Variants in DGKI observed in about 807,000 individuals in gnomAD.
DGKI encodes diacylglycerol kinase iota.
Under a neutral mutation model 147.5 loss-of-function variants are expected in DGKI, and 55 were observed. The ratio of observed to expected loss-of-function variants is 0.37; its 90% CI spans 0.30 to 0.47. The LOEUF is 0.47. DGKI is among the 20% of genes least tolerant of loss of function. The pLI, the probability that DGKI is intolerant of heterozygous loss-of-function variation, is 1.00. For synonymous variants in DGKI, 469 were observed against 477.1 expected (o/e 0.98, Z 0.22); for missense variants, 1,007 against 1,323.8 (o/e 0.76, Z 3.71).
intron 6 of DGKI, among the ~76,000 whole-genome samples, chr7:137,638,567 C>CACATATGTATATATACACATATAT (rs1821469094): frequency 9.1e-5 from 3 of 33,118 alleles, no homozygotes; most frequent in Non-Finnish European, 2.0e-4. Flanking sequence ...TATATATACA[C>CACATATGTATATATACACATATAT]ACATATATGT....
At chr7:137,486,361 A>T (rs1438370400) in intron 22 of DGKI, among the ~76,000 whole-genome samples, 1 of 152,132 alleles carries the variant, frequency 6.6e-6, no homozygotes, top group East Asian at 1.9e-4. Flanking sequence ...ATTTTAAAAA[A>T]AGGTAAAAAG....
At chr7:137,435,860 A>G (rs551084728) in intron 28 of DGKI, among the ~76,000 whole-genome samples, 50 of 152,182 alleles carry the variant, frequency 3.3e-4, no homozygotes, top group Non-Finnish European at 5.9e-4. Context: ...GCTCTCTGCA[A>G]CCTCTGCCTC....
At chr7:137,408,699 TGAGAG>T (rs1275926357) in intron 29 of DGKI, among the ~76,000 whole-genome samples, 2 of 151,922 alleles carry the variant, frequency 1.3e-5, no homozygotes, top group Non-Finnish European at 2.9e-5. Flanking sequence ...AGTTTCTATA[TGAGAG>T]AAGACTGGAA....
At chr7:137,721,013 A>G (rs1794540761) in intron 1 of DGKI, among the ~76,000 whole-genome samples, 1 of 152,198 alleles carries the variant, frequency 6.6e-6, no homozygotes, top group Admixed American at 6.5e-5. Context: ...AAAACAAATC[A>G]TAGGATACCT....
At chr7:137,517,337 A>AGAG (rs1816808673) in intron 21 of DGKI, among the ~76,000 whole-genome samples, 2 of 116,702 alleles carry the variant, frequency 1.7e-5, no homozygotes, top group Admixed American at 9.1e-5. Context: ...GAAAGAAAGA[A>AGAG]AGAGAAAGAA....
At chr7:137,572,158 A>G (rs924710266) in intron 18 of DGKI, among the ~76,000 whole-genome samples, 2 of 152,240 alleles carry the variant, frequency 1.3e-5, no homozygotes, top group African/African-American at 2.4e-5. Context: ...AAATGGTTAT[A>G]GATCCATCCC....
intron 6 of DGKI, among the ~76,000 whole-genome samples, chr7:137,637,286 G>A (rs1821346863): frequency 6.6e-6 from 1 of 152,140 alleles, no homozygotes; most frequent in South Asian, 2.1e-4. Context: ...CCGTTTCTTG[G>A]GAACCCTGAG....
At chr7:137,482,722 C>T (rs1320781355) in intron 23 of DGKI, among the ~76,000 whole-genome samples, 2 of 152,056 alleles carry the variant, frequency 1.3e-5, no homozygotes, top group Non-Finnish European at 2.9e-5. Context: ...TCCTCATTAG[C>T]TTCTCCCTGT....
At chr7:137,473,578 T>C (rs1815061160) in intron 23 of DGKI, among the ~76,000 whole-genome samples, 1 of 152,126 alleles carries the variant, frequency 6.6e-6, no homozygotes, top group Non-Finnish European at 1.5e-5. Context: ...TTCTGATCAG[T>C]AAAATGCCTT....
At chr7:137,433,193 A>G (rs971267075) in intron 28 of DGKI, among the ~76,000 whole-genome samples, 6 of 152,352 alleles carry the variant, frequency 3.9e-5, no homozygotes, top group African/African-American at 1.4e-4. Context: ...AGCAGCTATA[A>G]TTGACAGGTT....
chr7:137,630,203 G>C (rs755019043), intron 6 of DGKI, among the ~76,000 whole-genome samples: 2 of 152,100 alleles, frequency 1.3e-5, no homozygotes, highest in Non-Finnish European at 2.9e-5. Context: ...AAAAGACTCT[G>C]AAAGTTTTTC....
chr7:137,552,227 A>G, intron 20 of DGKI, 142 bp downstream of exon 20: 1 of 753,336 alleles, frequency 1.3e-6, no homozygotes, highest in African/African-American at 1.8e-5. Flanking sequence ...ATGTGTTCCT[A>G]TGAGAGAAAC....
chr7:137,697,038 TTC>T (rs1453232796), intron 1 of DGKI, among the ~76,000 whole-genome samples: 2 of 152,070 alleles, frequency 1.3e-5, no homozygotes, highest in East Asian at 3.9e-4. Context: ...AGGGGAGAGA[TTC>T]TCCCTCACAG....
Position 137,435,746 on chromosome 7 carries a change from T to C in DGKI, c.2761+8331A>G, listed in dbSNP as rs117023947. ...CAGTAGGCTCTACCTAGCAATGCAA[T>C]TAAAGATCTGCACATATTTCCATCT... On this transcript the variant is annotated intron_variant, in intron 28 of 32. Coordinates refer to ENST00000614521, the MANE Select transcript of DGKI (RefSeq NM_001321708.2). 7.1e-4 allele frequency among the ~76,000 whole-genome samples: 108 copies of C among 152,264 alleles called. 3 individuals are homozygous for C. The East Asian group carries it at 0.015, about 21-fold the overall frequency.
chr7:137,504,607 C>G (rs542420301), intron 21 of DGKI, among the ~76,000 whole-genome samples: 1 of 152,148 alleles, frequency 6.6e-6, no homozygotes, highest in Admixed American at 6.5e-5. Context: ...CTTGTTAACA[C>G]TATGTATATA....
At chr7:137,672,766 CTTTTTTTTTTTTTTTTTTT>C in intron 3 of DGKI, among the ~76,000 whole-genome samples, 1 of 65,690 alleles carries the variant, frequency 1.5e-5, no homozygotes, top group Non-Finnish European at 2.6e-5. Context: ...CTCTGTGTGT[CTTTTTTTTTTTTTTTTTTT>C]TTTTTTTTTT....
chr7:137,807,386 T>C (rs1350803118), intron 1 of DGKI, among the ~76,000 whole-genome samples: 2 of 152,216 alleles, frequency 1.3e-5, no homozygotes. Flanking sequence ...CTAGGTACAT[T>C]TGGAACAAAG....
intron 20 of DGKI, among the ~76,000 whole-genome samples, chr7:137,535,432 A>G (rs1817484517): frequency 6.6e-6 from 1 of 152,094 alleles, no homozygotes; most frequent in Non-Finnish European, 1.5e-5. Context: ...TCTATTTGTG[A>G]AATTTATTTT....
Position 137,485,393 on chromosome 7 carries a change from G to A in DGKI, c.2354C>T (p.Ser785Phe), listed in dbSNP as rs771641197. The change falls in exon 23 of 33, where the codon TCC becomes TTC. Residue 785 changes from serine to phenylalanine, a missense_variant. Physicochemically the swap from Ser to Phe is radical, Grantham distance 155. This residue lies in a region of DGKI where 385 missense variants were observed against 445.2 expected (regional missense o/e 0.86). Transcript: ENST00000614521. ...QEDLQSVSSG[S>F]QRVHYQDHET... is the part of the protein sequence containing the mutation. ...TGTTACCTGGTAATGAACTCTCTGG[G>A]AGCCAGAAGAAACTGACTGTAGGTC... 1.4e-5 allele frequency: 23 copies of A among 1,609,266 alleles called. No individual in the cohort carries two copies. Among genetic ancestry groups the A allele is most frequent in the Middle Eastern group, 1.6e-4 (1 of 6,064 alleles).
Sources: gnomAD v4.1 joint callset for allele counts (sites outside exome capture counted in the v4.1 genomes callset) on GRCh38, gnomAD v4.1.1 for gene constraint, gnomAD v4.1.1 regional missense constraint, MANE v1.5 for transcripts, NCBI Gene and HGNC (gene_info 2026-07-23, HGNC 2026-07-21) for gene names.